Variants in ARHGAP29 observed in about 807,000 individuals in gnomAD.
ARHGAP29 encodes the protein rho GTPase-activating protein 29.
ARHGAP29 carries 43 observed loss-of-function variants against 122.6 expected under a neutral mutation model. The observed-to-expected ratio is 0.35, with a 90% CI of 0.27 to 0.45. The LOEUF (loss-of-function observed/expected upper bound fraction) is 0.45, where lower values mean the gene tolerates loss of function less well. Ranked by LOEUF, ARHGAP29 falls within the 20% of genes least tolerant of loss-of-function variation. The probability of loss-of-function intolerance (pLI) is 1.00; values close to 1 mark genes in which losing one functional copy is unlikely to be tolerated. For missense variants in ARHGAP29, 1,303 were observed against 1,477.2 expected, an observed-to-expected ratio of 0.88 and a Z score of 1.93; for synonymous variants, 506 against 497.1, an observed-to-expected ratio of 1.02 and a Z score of -0.24.
At chr1:94,279,241 C>T (rs1317157593), upstream of ARHGAP29, among the ~76,000 whole-genome samples, 1 of 152,190 alleles carries the variant, frequency 6.6e-6, no homozygotes, top group Non-Finnish European at 1.5e-5. Flanking sequence ...TATTTCTGTG[C>T]AGTTAGTGGA....
chr1:94,178,532 T>C (rs1184576281), intron 20 of ARHGAP29, among the ~76,000 whole-genome samples: 1 of 152,184 alleles, frequency 6.6e-6, no homozygotes, highest in Non-Finnish European at 1.5e-5. Flanking sequence ...TCTCCAAGTC[T>C]AGATGATTCT....
intron 1 of ARHGAP29, among the ~76,000 whole-genome samples, chr1:94,272,215 T>C (rs979679371): frequency 6.6e-6 from 1 of 152,142 alleles, no homozygotes; most frequent in East Asian, 1.9e-4. Context: ...TTAGCCTGGA[T>C]AGTAGAGGAA....
chr1:94,304,144 G>A, the ARHGAP29 span, among the ~76,000 whole-genome samples: 1 of 152,022 alleles, frequency 6.6e-6, no homozygotes, highest in African/African-American at 2.4e-5. Context: ...CACCTTTTTT[G>A]GGGGATGGGG....
intron 1 of ARHGAP29, among the ~76,000 whole-genome samples, chr1:94,264,306 C>G (rs1654674633): frequency 1.3e-5 from 2 of 152,048 alleles, no homozygotes; most frequent in Non-Finnish European, 2.9e-5. Flanking sequence ...TGTGTTAATT[C>G]TCATCTCATC....
intron 16 of ARHGAP29, 50 bp from the exon 17 acceptor site, chr1:94,185,531 A>G (rs1191911729): frequency 4.9e-6 from 7 of 1,439,366 alleles, no homozygotes; most frequent in African/African-American, 4.3e-5. Context: ...GAAAAATTAT[A>G]CCATGTGATA....
chr1:94,309,740 C>T, the ARHGAP29 span, among the ~76,000 whole-genome samples: 1 of 152,134 alleles, frequency 6.6e-6, no homozygotes, highest in Admixed American at 6.6e-5. Flanking sequence ...AAGAGCCTGT[C>T]TTTCGAAGAC....
chr1:94,238,479 A>G (rs1570591129), upstream of ARHGAP29, among the ~76,000 whole-genome samples: 1 of 152,208 alleles, frequency 6.6e-6, no homozygotes, highest in Non-Finnish European at 1.5e-5. Context: ...CATAGTCCCT[A>G]TATCACACCA....
the ARHGAP29 span, among the ~76,000 whole-genome samples, chr1:94,305,166 C>T: frequency 6.6e-6 from 1 of 152,220 alleles, no homozygotes; most frequent in Non-Finnish European, 1.5e-5. Context: ...TGCTGTCCCT[C>T]ACCTCCAGCC....
chr1:94,203,001 G>T lies in ARHGAP29; in HGVS notation c.874-3C>A, dbSNP rs1387884304. On this transcript the variant is annotated splice_polypyrimidine_tract_variant and splice_region_variant and intron_variant, in intron 9 of 22. Transcript: ENST00000260526. ...TCATTTTTCCTTCCAAGTAGAGGCT[G>T]TGAAAGGTATTTAAAATGGAAAAAG... The T allele has an allele frequency of 6.2e-7, 1 of 1,604,936 alleles. No homozygotes were observed. Among genetic ancestry groups the T allele is most frequent in the Non-Finnish European group, 8.5e-7 (1 of 1,177,714 alleles).
chr1:94,208,106 G>A (rs868532751), intron 5 of ARHGAP29, among the ~76,000 whole-genome samples: 1 of 152,046 alleles, frequency 6.6e-6, no homozygotes, highest in Non-Finnish European at 1.5e-5. Context: ...TTAAAGTGCC[G>A]GGACTATAGG....
Position 94,201,639 on chromosome 1 carries a change from C to T in ARHGAP29, c.1281+81G>A, listed in dbSNP as rs1570528005. On this transcript the variant is annotated intron_variant, in intron 12 of 22. Transcript: ENST00000260526. ...CCTCCCACCTCAGCCTCCCAAAGTG[C>T]TGGGATTACAGGTGTGAGCCACCAT... 2.6e-6 allele frequency: 4 copies of T among 1,547,588 alleles called. No homozygotes were observed. In the East Asian group the frequency reaches 9.2e-5, roughly 36 times the overall value.
intron 5 of ARHGAP29, 118 bp downstream of exon 5, chr1:94,208,714 C>T (rs1405779946): frequency 5.5e-6 from 5 of 913,302 alleles, no homozygotes; most frequent in African/African-American, 5.0e-5. Flanking sequence ...CCCACCTCGG[C>T]CTCCCAAAGT....
chr1:94,208,217 T>G (rs1247158128), intron 5 of ARHGAP29, among the ~76,000 whole-genome samples: 1 of 152,112 alleles, frequency 6.6e-6, no homozygotes, highest in Non-Finnish European at 1.5e-5. Context: ...CCTCCCACCT[T>G]GGCCTCTTAA....
intron 19 of ARHGAP29, among the ~76,000 whole-genome samples, chr1:94,180,876 C>T (rs1454808831): frequency 6.6e-6 from 1 of 152,132 alleles, no homozygotes. Flanking sequence ...ATTTCCTCTC[C>T]TTGCCTGGCT....
chr1:94,238,293 T>A (rs1653432930), upstream of ARHGAP29, among the ~76,000 whole-genome samples: 1 of 151,794 alleles, frequency 6.6e-6, no homozygotes, highest in Non-Finnish European at 1.5e-5. Flanking sequence ...ATTCCCGACC[T>A]CCCGACCTCA....
At chr1:94,288,446 T>C in the ARHGAP29 span, among the ~76,000 whole-genome samples, 4 of 152,222 alleles carry the variant, frequency 2.6e-5, no homozygotes, top group African/African-American at 9.6e-5. Context: ...ATTCTGTAGG[T>C]TGCCTGTCCA....
Position 94,185,417 on chromosome 1 carries a change from A to C in ARHGAP29, c.1845T>G (p.Phe615Leu). 6.2e-7 allele frequency: 1 copy of C among 1,612,946 alleles called. No individual in the cohort carries two copies. The change falls in exon 17 of 23, where the codon TTT becomes TTG. Residue 615 changes from phenylalanine (F) to leucine (L), a missense_variant. Phe to Leu is a conservative substitution (Grantham distance 22). Around this residue, in one of 3 missense-constraint regions of ARHGAP29, gnomAD observed 91 missense variants for 177.8 expected, o/e 0.51. Coordinates refer to ENST00000260526, the MANE Select transcript of ARHGAP29 (RefSeq NM_004815.4). ...LMSKAALTHK[F>L]RKLRSPTKCR... ...ATTTCGTGGGGGATCTCAATTTGCG[A>C]AACTTGTGTGTGAGAGCTGCCTTTG...
intron 1 of ARHGAP29, among the ~76,000 whole-genome samples, chr1:94,245,135 A>G (rs1044483910): frequency 2.6e-5 from 4 of 152,222 alleles, no homozygotes; most frequent in African/African-American, 9.6e-5. Flanking sequence ...ACTGTAATAC[A>G]TGCTTCTACA....
the ARHGAP29 span, among the ~76,000 whole-genome samples, chr1:94,300,221 C>T: frequency 2.6e-5 from 4 of 152,120 alleles, no homozygotes; most frequent in East Asian, 7.7e-4. Flanking sequence ...TTAACTATTT[C>T]TTGAATGCAT....
Sources: gnomAD v4.1 joint callset for allele counts (sites outside exome capture counted in the v4.1 genomes callset) on GRCh38, gnomAD v4.1.1 for gene constraint, gnomAD v4.1.1 regional missense constraint, MANE v1.5 for transcripts, NCBI Gene and HGNC (gene_info 2026-07-23, HGNC 2026-07-21) for gene names.